The following MYT1 variants were observed in gnomAD, a reference collection of about 807,000 sequenced individuals.
MYT1 encodes the protein myelin transcription factor I.
In MYT1, 23 loss-of-function variants were observed where a neutral mutation model predicts 123.0. That is an observed-to-expected ratio of 0.19 (90% CI 0.13 to 0.26). The LOEUF (loss-of-function observed/expected upper bound fraction) is 0.26, where lower values mean the gene tolerates loss of function less well. Among genes scored for constraint, MYT1 ranks in the 10% least tolerant of loss-of-function variants. The pLI, the probability that MYT1 is intolerant of heterozygous loss-of-function variation, is 1.00. For synonymous variants in MYT1, 518 were observed against 575.3 expected, an observed-to-expected ratio of 0.90 and a Z score of 1.43; for missense variants, 1,125 against 1,472.5, an observed-to-expected ratio of 0.76 and a Z score of 3.86.
At chr20:64,201,708 C>T (rs1055705923) in intron 4 of MYT1, among the ~76,000 whole-genome samples, 2 of 152,210 alleles carry the variant, frequency 1.3e-5, no homozygotes, top group East Asian at 1.9e-4. Context: ...TACCAGCACA[C>T]GCTGGGCTCT....
chr20:64,231,953 G>A lies in MYT1; in HGVS notation c.2676-211G>A, dbSNP rs1027566850. 6.6e-6 allele frequency among the ~76,000 whole-genome samples: 1 copy of A among 152,172 alleles called. No individual in the cohort carries two copies. Among genetic ancestry groups the A allele is most frequent in the South Asian group, 2.1e-4 (1 of 4,828 alleles). ...CATGCAGGGGCTGTGAGGCCAAAGC[G>A]GAAGAGGGAGCGTGGCCCGGGTCTT... On this transcript the variant is annotated intron_variant, in intron 18 of 22. Coordinates refer to ENST00000328439, the MANE Select transcript of MYT1 (RefSeq NM_004535.3). This position sits in a 1 kb window ranked among gnomAD's most constrained non-coding sequence, Gnocchi z 6.4.
At chr20:64,171,829 AG>A (rs1982293377) in intron 1 of MYT1, among the ~76,000 whole-genome samples, 1 of 148,056 alleles carries the variant, frequency 6.8e-6, no homozygotes, top group South Asian at 2.1e-4. Context: ...TGGCATCTGG[AG>A]GAACCCAAAC....
chr20:64,211,430 G>A, intron 8 of MYT1, 90 bp downstream of exon 8: 2 of 1,326,048 alleles, frequency 1.5e-6, no homozygotes, highest in Admixed American at 2.0e-5. Flanking sequence ...GGCGTGGCCT[G>A]CCCAGGGCCA....
intron 14 of MYT1, 79 bp downstream of exon 14, chr20:64,222,126 T>C (rs1984025372): frequency 6.5e-7 from 1 of 1,531,176 alleles, no homozygotes; most frequent in Non-Finnish European, 8.9e-7. Flanking sequence ...TCCCAACCCA[T>C]GACGACCGGG....
chr20:64,207,878 A>G lies in MYT1; in HGVS notation c.682A>G (p.Thr228Ala), dbSNP rs758740062. The G allele has an allele frequency of 6.2e-7, 1 of 1,613,152 alleles. No individual in the cohort carries two copies. The highest frequency in any genetic ancestry group is 8.5e-7 in the Non-Finnish European group (1 of 1,179,810). Reference protein sequence around the residue: ...PEDAEEVVEVTTERSQDLCPQ... With the variant: ...PEDAEEVVEVATERSQDLCPQ... ...GGATGCCGAGGAGGTCGTCGAAGTC[A>G]CCACCGAGCGCTCCCAGGACCTGTG... The change falls in exon 7 of 23, where the codon ACC becomes GCC. Residue 228 changes from threonine (T) to alanine (A), a missense_variant. Physicochemically the swap from Thr to Ala is moderately conservative, Grantham distance 58. Coordinates refer to ENST00000328439, the MANE Select transcript of MYT1 (RefSeq NM_004535.3).
At chr20:64,210,438 C>G (rs1983633126) in intron 7 of MYT1, among the ~76,000 whole-genome samples, 3 of 152,188 alleles carry the variant, frequency 2.0e-5, no homozygotes, top group Admixed American at 2.0e-4. Context: ...GTTTGGAAGC[C>G]CCTCAGGACA....
chr20:64,228,886 C>T (rs536260233), intron 18 of MYT1, among the ~76,000 whole-genome samples: 5 of 152,312 alleles, frequency 3.3e-5, no homozygotes, highest in African/African-American at 7.2e-5. Context: ...CCGGCTCGGT[C>T]GGGACGGGGC....
intron 14 of MYT1, among the ~76,000 whole-genome samples, chr20:64,222,322 G>A (rs565041943): frequency 6.6e-6 from 1 of 152,344 alleles, no homozygotes; most frequent in East Asian, 1.9e-4. Flanking sequence ...AGCAGGGCAG[G>A]GGCAGAGTGG....
At chr20:64,188,322 T>G (rs1281126461) in intron 1 of MYT1, among the ~76,000 whole-genome samples, 2 of 152,082 alleles carry the variant, frequency 1.3e-5, no homozygotes, top group Admixed American at 6.5e-5. Context: ...CTTATGTCCT[T>G]CCCTCCAGCT....
At position 64,208,096 on chromosome 20, in the gene MYT1, G is replaced by T. The variant is rs759926961; in HGVS notation, c.900G>T (p.Glu300Asp). 6.2e-7 allele frequency: 1 copy of T among 1,609,452 alleles called. No individual in the cohort carries two copies. Among genetic ancestry groups the T allele is most frequent in the African/African-American group, 1.3e-5 (1 of 74,768 alleles). Residue 300 changes from glutamate to aspartate, a missense_variant, in exon 7 of 23, where the codon GAG (glutamate) becomes GAT (aspartate). Glu to Asp is a conservative substitution (Grantham distance 45, BLOSUM62 2). Transcript: ENST00000328439. The surrounding 1 kb of genome is among the most constrained non-coding windows in gnomAD (Gnocchi z 5.4). ...EEEEEEEEEE[E>D]EEEEEEAAPD... ...AGGAAGAGGAGGAGGAAGAGGAAGA[G>T]GAAGAGGAGGAGGAGGAGGCAGCTC...
intron 16 of MYT1, among the ~76,000 whole-genome samples, chr20:64,223,841 C>T (rs2427618): frequency 0.62 from 94,136 of 152,032 alleles, 31,205 homozygotes; most frequent in African/African-American, 0.84. Flanking sequence ...TCTCCTGTCA[C>T]GCTCCAGCTG....
At chr20:64,240,257 C>A (rs910587610) in intron 22 of MYT1, 63 bp from the exon 23 acceptor site, 300 of 1,581,840 alleles carry the variant, frequency 1.9e-4, no homozygotes, top group Non-Finnish European at 2.3e-4. Context: ...GCTCCCACAT[C>A]AGGCTCTGCG....
At chr20:64,238,721 C>T (rs1984626717) in intron 21 of MYT1, among the ~76,000 whole-genome samples, 1 of 151,920 alleles carries the variant, frequency 6.6e-6, no homozygotes, top group Admixed American at 6.5e-5. Context: ...CTCCCCTTCT[C>T]AGAGTCCCCA....
intron 2 of MYT1, 60 bp from the exon 3 acceptor site, chr20:64,198,802 T>G (rs1261213284): frequency 1.3e-6 from 2 of 1,579,428 alleles, no homozygotes; most frequent in Admixed American, 3.4e-5. Context: ...TCCTGATGGC[T>G]CTGTACTCCA....
chr20:64,213,768 T>C lies in MYT1; in HGVS notation c.1631+121T>C, dbSNP rs994796098. 2 of 815,490 alleles carry C rather than the reference T, an allele frequency of 2.5e-6. No homozygotes were observed. Among genetic ancestry groups the C allele is most frequent in the Non-Finnish European group, 2.0e-6 (1 of 501,618 alleles). The allele number at this position is 815,490 out of a possible 1,614,324, so 50.5% of individuals were successfully genotyped here. A position where few individuals can be genotyped will look rare whatever the true frequency, so the allele number is the denominator to read the frequency against. On this transcript the variant is annotated intron_variant, in intron 10 of 22. Coordinates refer to ENST00000328439, the MANE Select transcript of MYT1 (RefSeq NM_004535.3). This position sits in a 1 kb window ranked among gnomAD's most constrained non-coding sequence, Gnocchi z 5.6. The stretch of plus-strand genomic sequence containing the variant: ...GTGCATGTGTGTGAGTGTACGTGCA[T>C]GTGAGTGTACGTGCATGTGAGTGTG...
rs1982162072 is a variant in MYT1, at chr20:64,168,961, A to G, written c.-99+4222A>G. On this transcript the variant is annotated intron_variant, in intron 1 of 22. Coordinates refer to ENST00000328439, the MANE Select transcript of MYT1 (RefSeq NM_004535.3). This position sits in a 1 kb window ranked among gnomAD's most constrained non-coding sequence, Gnocchi z 6.1. ...CTCTCACGCCTGGCTTCACACCTCC[A>G]TCGTGTTCAACACTGGTCTGAGGGC... Among the ~76,000 whole-genome samples the G allele has an allele frequency of 6.6e-6, 1 of 152,226 alleles. No individual in the cohort carries two copies. The highest frequency in any genetic ancestry group is 2.1e-4 in the South Asian group (1 of 4,828).
chr20:64,181,382 C>T (rs963001717), intron 1 of MYT1, among the ~76,000 whole-genome samples: 2 of 152,114 alleles, frequency 1.3e-5, no homozygotes, highest in African/African-American at 4.8e-5. Context: ...TCAGCGTTTC[C>T]TCCGTCTCTG....
At position 64,167,343 on chromosome 20, in the gene MYT1, T is replaced by C. The variant is rs1224054206; in HGVS notation, c.-99+2604T>C. Among the ~76,000 whole-genome samples the C allele has an allele frequency of 6.6e-6, 1 of 152,190 alleles. No homozygotes were observed. Among genetic ancestry groups the C allele is most frequent in the African/African-American group, 2.4e-5 (1 of 41,450 alleles). On this transcript the variant is annotated intron_variant, in intron 1 of 22. Coordinates refer to ENST00000328439, the MANE Select transcript of MYT1 (RefSeq NM_004535.3). The surrounding 1 kb of genome is among the most constrained non-coding windows in gnomAD (Gnocchi z 6.3). ...AAGGTGCGTCTACTTTGGAAAAGAC[T>C]GAGCAAGGCTTGTGTCCACCCAGTC...
At chr20:64,240,092 A>T (rs1175314539) in intron 22 of MYT1, among the ~76,000 whole-genome samples, 189 bp downstream of exon 22, 1 of 152,200 alleles carries the variant, frequency 6.6e-6, no homozygotes, top group Non-Finnish European at 1.5e-5. Flanking sequence ...CACCATAATG[A>T]GTAGCTGCCA....
Sources: allele counts gnomAD v4.1 joint callset (sites outside exome capture counted in the v4.1 genomes callset), GRCh38; gene constraint gnomAD v4.1.1; non-coding constraint Gnocchi (gnomAD v3.1); transcripts MANE v1.5; gene names NCBI Gene and HGNC (gene_info 2026-07-23, HGNC 2026-07-21).